The following RORB variants were observed in gnomAD, a reference collection of about 807,000 sequenced individuals.
RORB encodes nuclear receptor ROR-beta.
RORB carries 6 observed loss-of-function variants against 59.1 expected under a neutral mutation model. That is an observed-to-expected ratio of 0.10 (90% confidence interval 0.06 to 0.20). The LOEUF is 0.20. Among genes scored for constraint, RORB ranks in the 10% least tolerant of loss-of-function variants. The pLI is 1.00. For missense variants in RORB, 320 were observed against 560.5 expected (o/e 0.57, Z 4.33); for synonymous variants, 215 against 204.5 (o/e 1.05, Z -0.44).
intron 1 of RORB, among the ~76,000 whole-genome samples, chr9:74,549,534 A>G (rs1587354653): frequency 4.6e-5 from 1 of 21,620 alleles, no homozygotes; most frequent in Non-Finnish European, 8.9e-5. Flanking sequence ...GGAGGGAGGG[A>G]GGGAGGGAGG....
At chr9:74,597,004 G>A (rs948114365) in intron 1 of RORB, among the ~76,000 whole-genome samples, 1 of 152,210 alleles carries the variant, frequency 6.6e-6, no homozygotes, top group African/African-American at 2.4e-5. Flanking sequence ...CCCAGGGAAA[G>A]CCCTAGGGAA....
At chr9:74,640,070 T>C (rs1026569016) in intron 3 of RORB, among the ~76,000 whole-genome samples, 1 of 152,142 alleles carries the variant, frequency 6.6e-6, no homozygotes, top group African/African-American at 2.4e-5. Flanking sequence ...TCTAAATAAT[T>C]CAAGACCATG....
chr9:74,511,227 T>C (rs1007952542), intron 1 of RORB, among the ~76,000 whole-genome samples: 9 of 152,226 alleles, frequency 5.9e-5, no homozygotes, highest in African/African-American at 1.7e-4. Flanking sequence ...AATCATTTAT[T>C]TTAGGTACTG....
intron 8 of RORB, among the ~76,000 whole-genome samples, chr9:74,671,527 G>C (rs780526468): frequency 6.6e-6 from 1 of 152,160 alleles, no homozygotes; most frequent in Non-Finnish European, 1.5e-5. Context: ...AATTGTCACA[G>C]ACAATAAGAA....
chr9:74,565,701 C>G (rs1822459727), intron 1 of RORB, among the ~76,000 whole-genome samples: 1 of 152,092 alleles, frequency 6.6e-6, no homozygotes, highest in Non-Finnish European at 1.5e-5. Flanking sequence ...AAAGCATCTT[C>G]TTTTTCATAC....
intron 1 of RORB, among the ~76,000 whole-genome samples, chr9:74,533,442 C>T (rs1435228581): frequency 6.6e-6 from 1 of 151,924 alleles, no homozygotes; most frequent in East Asian, 1.9e-4. Context: ...AGCAACATCC[C>T]CAACCTGGAG....
intron 1 of RORB, among the ~76,000 whole-genome samples, chr9:74,533,077 T>C (rs1826271771): frequency 2.0e-5 from 3 of 151,844 alleles, no homozygotes; most frequent in Admixed American, 1.3e-4. Flanking sequence ...GTATTTCCAT[T>C]TCCCACTGAA....
intron 9 of RORB, among the ~76,000 whole-genome samples, chr9:74,682,894 A>G (rs1240787527): frequency 6.6e-6 from 1 of 152,176 alleles, no homozygotes; most frequent in Non-Finnish European, 1.5e-5. Flanking sequence ...GCCTGGCTCA[A>G]CTTTTCAATT....
chr9:74,680,267 C>T (rs567513811), intron 9 of RORB, among the ~76,000 whole-genome samples: 5 of 152,272 alleles, frequency 3.3e-5, no homozygotes, highest in South Asian at 4.1e-4. Flanking sequence ...ACTGGAACTA[C>T]GAATTGGGAA....
At chr9:74,580,319 A>G (rs1245256029) in intron 1 of RORB, among the ~76,000 whole-genome samples, 1 of 152,160 alleles carries the variant, frequency 6.6e-6, no homozygotes, top group Non-Finnish European at 1.5e-5. Context: ...TATGTATAAA[A>G]TACAGTTGAA....
intron 1 of RORB, among the ~76,000 whole-genome samples, chr9:74,572,432 C>T (rs1822567634): frequency 6.6e-6 from 1 of 152,140 alleles, no homozygotes; most frequent in Admixed American, 6.6e-5. Flanking sequence ...TTACCTGGCA[C>T]TGCATGCAAG....
At chr9:74,602,301 C>T (rs1014731160) in intron 1 of RORB, among the ~76,000 whole-genome samples, 1 of 152,122 alleles carries the variant, frequency 6.6e-6, no homozygotes, top group South Asian at 2.1e-4. Context: ...CCTGAAGCAT[C>T]ATAAGCACTT....
intron 4 of RORB, among the ~76,000 whole-genome samples, chr9:74,645,971 C>T (rs1395605410): frequency 5.3e-5 from 8 of 152,096 alleles, no homozygotes; most frequent in Admixed American, 5.2e-4. Flanking sequence ...CTGGAGCTTT[C>T]AGAGTATGCA....
chr9:74,607,228 A>G (rs1417912044), intron 1 of RORB, among the ~76,000 whole-genome samples: 2 of 152,220 alleles, frequency 1.3e-5, no homozygotes, highest in Non-Finnish European at 2.9e-5. Context: ...CTTCCAAGTT[A>G]AGATCCCTTG....
chr9:74,685,682 T>C lies in RORB; in HGVS notation c.*64T>C. On this transcript the variant is annotated 3_prime_UTR_variant, in exon 10 of 10. Transcript: ENST00000376896. ...CACCATTAAGACAAAAGCAATGTGT[T>C]CATGAAGACTTAAGAAAAATGTCAC... 1 of 1,307,924 alleles carries C rather than the reference T, an allele frequency of 7.6e-7. No homozygotes were observed. The highest frequency in any genetic ancestry group is 1.0e-6 in the Non-Finnish European group (1 of 977,550). 81.0% of individuals were successfully genotyped at this position (1,307,924 alleles called of 1,614,324 possible). A position where few individuals can be genotyped will look rare whatever the true frequency, so the allele number is the denominator to read the frequency against.
At chr9:74,511,212 T>C (rs1261797981) in intron 1 of RORB, among the ~76,000 whole-genome samples, 4 of 152,138 alleles carry the variant, frequency 2.6e-5, no homozygotes, top group Admixed American at 2.6e-4. Flanking sequence ...TCTCTACATG[T>C]ACTTAATCAT....
chr9:74,524,858 A>C (rs1203403168), intron 1 of RORB, among the ~76,000 whole-genome samples: 1 of 151,864 alleles, frequency 6.6e-6, no homozygotes, highest in Non-Finnish European at 1.5e-5. Flanking sequence ...AATTTTTTGA[A>C]AAATATGTCT....
In RORB at chr9:74,555,107, C is replaced by T. The variant is rs150495833; in HGVS notation, c.7+57124C>T. Among the ~76,000 whole-genome samples, 454 of 152,296 alleles carry T rather than the reference C, an allele frequency of 3.0e-3. 6 individuals are homozygous for T. Among genetic ancestry groups the T allele is most frequent in the African/African-American group, 0.01 (433 of 41,564 alleles). ...TGGCCCCCATTTTTCTCCCTCACAG[C>T]CCCCTCTCAATTCAGTTCATTCTCC... On this transcript the variant is annotated intron_variant, in intron 1 of 9. Transcript: ENST00000376896.
intron 1 of RORB, among the ~76,000 whole-genome samples, chr9:74,590,678 G>A (rs368475096): frequency 6.6e-6 from 1 of 152,296 alleles, no homozygotes. Flanking sequence ...ACCTCACAAG[G>A]CCCCAAGGGG....
Sources: allele counts gnomAD v4.1 joint callset (sites outside exome capture counted in the v4.1 genomes callset), GRCh38; gene constraint gnomAD v4.1.1; transcripts MANE v1.5; gene names NCBI Gene and HGNC (gene_info 2026-07-23, HGNC 2026-07-21).